Variants in EYS observed in about 807,000 individuals in gnomAD.
EYS encodes protein eyes shut homolog.
Under a neutral mutation model 282.1 loss-of-function variants are expected in EYS, and 250 were observed. The observed-to-expected ratio is 0.89, with a 90% CI of 0.80 to 0.98. The LOEUF is 0.98. Ranked by LOEUF, EYS falls within the 50% of genes least tolerant of loss-of-function variation. EYS has a pLI of 0.00. For missense variants in EYS, 4,016 were observed against 3,709.0 expected (o/e 1.08, Z -2.15); for synonymous variants, 1,355 against 1,282.9 (o/e 1.06, Z -1.20).
At chr6:65,217,499 T>G (rs148608531) in intron 12 of EYS, among the ~76,000 whole-genome samples, 1 of 152,048 alleles carries the variant, frequency 6.6e-6, no homozygotes, top group Non-Finnish European at 1.5e-5. Context: ...TCAAACACTC[T>G]TCTAGTTGCT....
chr6:64,668,721 C>T (rs892664253), intron 22 of EYS, among the ~76,000 whole-genome samples: 5 of 151,662 alleles, frequency 3.3e-5, no homozygotes, highest in South Asian at 2.1e-4. Flanking sequence ...CCCGCCACCA[C>T]GCCCAGCTAA....
chr6:65,579,081 GCAGTGACCTAATGGCCAACT>G (rs1438040727), intron 2 of EYS, among the ~76,000 whole-genome samples: 16 of 152,134 alleles, frequency 1.1e-4, no homozygotes, highest in African/African-American at 3.9e-4. Context: ...TTCAAATATG[GCAGTGACCTAATGGCCAACT>G]CAACTTTGAC....
intron 12 of EYS, among the ~76,000 whole-genome samples, chr6:65,206,287 T>TA (rs1463098430): frequency 1.3e-5 from 2 of 151,428 alleles, no homozygotes; most frequent in Non-Finnish European, 3.0e-5. Context: ...CTAGAAAACT[T>TA]AAAGGATGTA....
At chr6:64,322,621 A>G (rs930213480) in intron 29 of EYS, among the ~76,000 whole-genome samples, 3 of 152,184 alleles carry the variant, frequency 2.0e-5, no homozygotes, top group Middle Eastern at 3.4e-3. Flanking sequence ...AGGAACTTCT[A>G]TAAGTTTTGT....
intron 29 of EYS, among the ~76,000 whole-genome samples, chr6:64,336,595 G>A (rs761110683): frequency 1.3e-5 from 2 of 151,918 alleles, no homozygotes; most frequent in Non-Finnish European, 2.9e-5. Flanking sequence ...AAGAAACAAT[G>A]GATTTAAATT....
intron 35 of EYS, among the ~76,000 whole-genome samples, chr6:63,975,726 G>C (rs1766803922): frequency 2.0e-5 from 3 of 151,958 alleles, no homozygotes; most frequent in Non-Finnish European, 4.4e-5. Context: ...TACAAAAGGA[G>C]AGTTGTGTGT....
intron 33 of EYS, among the ~76,000 whole-genome samples, chr6:64,025,915 C>T (rs752870772): frequency 2.2e-4 from 34 of 152,112 alleles, no homozygotes; most frequent in Non-Finnish European, 4.1e-4. Flanking sequence ...AACAGGTTTT[C>T]GAGAATGCAT....
chr6:63,827,351 C>T (rs1203081168), intron 36 of EYS, among the ~76,000 whole-genome samples: 1 of 152,162 alleles, frequency 6.6e-6, no homozygotes, highest in African/African-American at 2.4e-5. Flanking sequence ...CCACTGGCAG[C>T]ACTAAATACT....
chr6:64,416,061 A>G (rs1774049979), intron 28 of EYS, among the ~76,000 whole-genome samples: 1 of 152,190 alleles, frequency 6.6e-6, no homozygotes, highest in Non-Finnish European at 1.5e-5. Flanking sequence ...CTCTCCTTGG[A>G]AAGGATCCTA....
chr6:63,935,108 T>C (rs1254120314), intron 35 of EYS, among the ~76,000 whole-genome samples: 2 of 152,202 alleles, frequency 1.3e-5, no homozygotes, highest in Non-Finnish European at 2.9e-5. Context: ...TTCATGGAAA[T>C]TTTTCCAGAG....
chr6:64,168,720 T>C lies in EYS; in HGVS notation c.6424+61872A>G, dbSNP rs140259775. Among the ~76,000 whole-genome samples the C allele has an allele frequency of 6.6e-5, 10 of 152,232 alleles. No individual in the cohort carries two copies. The East Asian group carries it at 1.9e-3, about 29-fold the overall frequency. On this transcript the variant is annotated intron_variant, in intron 31 of 42. Coordinates refer to ENST00000503581, the MANE Select transcript of EYS (RefSeq NM_001142800.2). ...GAAAACTTATGGTCATAAAAGTGGA[T>C]TAAGGATTACTTGGGGTAAGGGATG...
At chr6:64,796,463 G>A (rs1255164047) in intron 22 of EYS, among the ~76,000 whole-genome samples, 1 of 152,138 alleles carries the variant, frequency 6.6e-6, no homozygotes, top group African/African-American at 2.4e-5. Flanking sequence ...GGAGACAGGA[G>A]TTAGAGATTT....
intron 9 of EYS, among the ~76,000 whole-genome samples, chr6:65,346,407 A>G (rs76158343): frequency 0.01 from 1,377 of 133,566 alleles, 13 homozygotes; most frequent in Non-Finnish European, 0.019. Context: ...ACCCTTATTG[A>G]AAAAAAAAAC....
intron 31 of EYS, among the ~76,000 whole-genome samples, chr6:64,204,888 C>T (rs186158291): frequency 1.1e-3 from 173 of 152,234 alleles, no homozygotes; most frequent in African/African-American, 3.9e-3. Flanking sequence ...CCATAATATG[C>T]ACACTACAGT....
intron 10 of EYS, among the ~76,000 whole-genome samples, chr6:65,338,960 G>A (rs992508414): frequency 6.0e-5 from 9 of 151,062 alleles, no homozygotes; most frequent in Admixed American, 2.0e-4. Flanking sequence ...AGGGAATATC[G>A]TGTAATTTTC....
At position 65,648,314 on chromosome 6, in the gene EYS, A is replaced by ATATGTGTGTG. The variant is rs373479571; in HGVS notation, c.-447-8423_-447-8422insCACACACATA. Among the ~76,000 whole-genome samples, 409 of 147,892 alleles carry ATATGTGTGTG rather than the reference A, an allele frequency of 2.8e-3. 1 individual carries two copies. Among genetic ancestry groups the ATATGTGTGTG allele is most frequent in the South Asian group, 7.7e-3 (35 of 4,568 alleles). ...ATCAATGAGTGGATAAAGAAAATAT[A>ATATGTGTGTG]TGTGTGTGTGTGTGTGTGTGTGTGT... On this transcript the variant is annotated intron_variant, in intron 1 of 42. Coordinates refer to ENST00000503581, the MANE Select transcript of EYS (RefSeq NM_001142800.2).
At position 65,296,006 on chromosome 6, in the gene EYS, C is replaced by G. The variant is rs1305359095; in HGVS notation, c.1880G>C (p.Cys627Ser). The G allele has an allele frequency of 1.3e-6, 2 of 1,551,198 alleles. No homozygotes were observed. The highest frequency in any genetic ancestry group is 1.7e-6 in the Non-Finnish European group (2 of 1,146,546). ...HGLCLALSHN[C>S]NCSGLQRYER... is the part of the protein sequence containing the mutation. Reference sequence around the variant, plus strand: ...ATATCTTTGCAGACCGCTACAGTTACAATTGTGCGAAAGGGCCAGGCAGAG... The same window carrying G: ...ATATCTTTGCAGACCGCTACAGTTAGAATTGTGCGAAAGGGCCAGGCAGAG... The change falls in exon 12 of 43, where the codon TGT becomes TCT. Residue 627 changes from cysteine (C) to serine (S), a missense_variant. Transcript: ENST00000503581.
At chr6:65,269,642 G>T (rs573999211) in intron 12 of EYS, among the ~76,000 whole-genome samples, 1 of 152,180 alleles carries the variant, frequency 6.6e-6, no homozygotes, top group African/African-American at 2.4e-5. Context: ...ATACACAACA[G>T]AAATTATTTC....
intron 7 of EYS, among the ~76,000 whole-genome samples, chr6:65,399,774 T>C (rs1206664625): frequency 6.6e-6 from 1 of 152,058 alleles, no homozygotes; most frequent in Non-Finnish European, 1.5e-5. Context: ...AATTATTGGC[T>C]CATATTGTTA....
Sources: gnomAD v4.1 joint callset for allele counts (sites outside exome capture counted in the v4.1 genomes callset) on GRCh38, gnomAD v4.1.1 for gene constraint, MANE v1.5 for transcripts, NCBI Gene and HGNC (gene_info 2026-07-23, HGNC 2026-07-21) for gene names.